The following RBM39 variants were observed in gnomAD, a reference collection of about 807,000 sequenced individuals.
RBM39 encodes RNA-binding protein 39.
A neutral mutation model predicts 79.6 loss-of-function variants in RBM39; 12 were observed. The ratio of observed to expected loss-of-function variants is 0.15; its 90% confidence interval spans 0.10 to 0.24. The LOEUF (loss-of-function observed/expected upper bound fraction) is 0.24. Among genes scored for constraint, RBM39 ranks in the 10% least tolerant of loss-of-function variants. The probability of loss-of-function intolerance (pLI) is 1.00; values close to 1 mark genes in which losing one functional copy is unlikely to be tolerated. For synonymous variants in RBM39, 185 were observed against 208.4 expected, an observed-to-expected ratio of 0.89 and a Z score of 0.97; for missense variants, 243 against 653.4, an observed-to-expected ratio of 0.37 and a Z score of 6.85.
At chr20:35,730,270 G>A (rs775320668) in intron 4 of RBM39, among the ~76,000 whole-genome samples, 3 of 152,186 alleles carry the variant, frequency 2.0e-5, no homozygotes, top group Non-Finnish European at 2.9e-5. Context: ...AACAGTTTTT[G>A]TGACTTTTTA....
Position 35,741,773 on chromosome 20 carries a change from G to C in RBM39, c.-14+168C>G, listed in dbSNP as rs959276658. The C allele has an allele frequency of 4.0e-4, 62 of 155,440 alleles. 1 individual carries two copies. Among genetic ancestry groups the C allele is most frequent in the Admixed American group, 6.6e-5 (1 of 15,260 alleles). 9.6% of individuals were successfully genotyped at this position (155,440 alleles called of 1,614,324 possible). Reference sequence around the variant, plus strand: ...GGGTCCCTACCGCCCCAAGAATCCAGACTATACCCGACTGGAAAATAAGGG... The same window carrying C: ...GGGTCCCTACCGCCCCAAGAATCCACACTATACCCGACTGGAAAATAAGGG... On this transcript the variant is annotated intron_variant, in intron 1 of 16. Transcript: ENST00000253363.
At chr20:35,710,118 GTTC>G (rs954968330) in intron 12 of RBM39, among the ~76,000 whole-genome samples, 7 of 152,286 alleles carry the variant, frequency 4.6e-5, no homozygotes, top group African/African-American at 1.7e-4. Flanking sequence ...CTCTCTTGAA[GTTC>G]TTTTTATAGA....
At chr20:35,709,444 T>TC (rs1442065527) in intron 12 of RBM39, 170 bp from the exon 13 acceptor site, 9 of 561,844 alleles carry the variant, frequency 1.6e-5, no homozygotes, top group Middle Eastern at 4.7e-4. Context: ...GGGCCTTTTT[T>TC]CCCCCTCTTA....
chr20:35,707,272 C>A, intron 13 of RBM39, 71 bp from the exon 14 acceptor site: 3 of 1,128,060 alleles, frequency 2.7e-6, no homozygotes, highest in Admixed American at 2.4e-5. Flanking sequence ...TACTTTAAAA[C>A]GAAACCAAAA....
rs1271274511 is a variant in RBM39 at position 35,703,209 on chromosome 20, TA to T, written c.*1271del. On this transcript the variant is annotated 3_prime_UTR_variant, in exon 17 of 17. Coordinates refer to ENST00000253363, the MANE Select transcript of RBM39 (RefSeq NM_184234.3). Reference sequence around the variant, plus strand: ...ACTAGTATGAAAGCTCAAAACCCCTTAATACAGTAATATATGCACCTTATTT... The same window carrying T: ...ACTAGTATGAAAGCTCAAAACCCCTTATACAGTAATATATGCACCTTATTT... 6.6e-6 allele frequency: 1 copy of T among 152,154 alleles called. No individual in the cohort carries two copies. The highest frequency in any genetic ancestry group is 2.1e-4 in the South Asian group (1 of 4,830). 9.4% of individuals were successfully genotyped at this position (152,154 alleles called of 1,614,324 possible). A position where few individuals can be genotyped will look rare whatever the true frequency, so the allele number is the denominator to read the frequency against.
intron 8 of RBM39, 113 bp downstream of exon 8, chr20:35,724,457 A>C (rs2038402552): frequency 1.9e-6 from 2 of 1,036,272 alleles, no homozygotes; most frequent in Non-Finnish European, 2.6e-6. Context: ...AGTCCTGAAA[A>C]CATCCGACTC....
chr20:35,733,815 C>CT (rs1035449181), intron 3 of RBM39, among the ~76,000 whole-genome samples: 30 of 152,122 alleles, frequency 2.0e-4, no homozygotes, highest in African/African-American at 6.3e-4. Flanking sequence ...TTTAAAATCT[C>CT]TAACTAAAAA....
intron 3 of RBM39, 145 bp from the exon 4 acceptor site, chr20:35,732,280 T>TAAAA (rs11479445): frequency 2.1e-6 from 1 of 470,308 alleles, no homozygotes; most frequent in Non-Finnish European, 3.7e-6. Flanking sequence ...TAATCATACT[T>TAAAA]AAAAAAAAAA....
chr20:35,738,263 G>C (rs907107171), intron 3 of RBM39, among the ~76,000 whole-genome samples: 1 of 151,698 alleles, frequency 6.6e-6, no homozygotes, highest in Admixed American at 6.6e-5. Context: ...GCAAGACTCC[G>C]ACTCACAAGA....
At chr20:35,723,867 C>G (rs2038312911) in intron 8 of RBM39, among the ~76,000 whole-genome samples, 1 of 152,066 alleles carries the variant, frequency 6.6e-6, no homozygotes, top group African/African-American at 2.4e-5. Flanking sequence ...ATGGCAAGAC[C>G]CTGTTTCTTA....
At chr20:35,741,275 C>T (rs1013659614) in intron 1 of RBM39, among the ~76,000 whole-genome samples, 22 of 151,716 alleles carry the variant, frequency 1.5e-4, no homozygotes, top group Non-Finnish European at 2.1e-4. Context: ...CTCAAGTGAT[C>T]CGCCTGCCTC....
intron 3 of RBM39, among the ~76,000 whole-genome samples, chr20:35,737,447 C>G (rs1213220991): frequency 6.6e-6 from 1 of 150,758 alleles, no homozygotes; most frequent in Non-Finnish European, 1.5e-5. Context: ...GTAATCCCAG[C>G]TACTCGGGAG....
At chr20:35,720,046 C>A in intron 9 of RBM39, 1 of 235,500 alleles carries the variant, frequency 4.2e-6, no homozygotes, top group Non-Finnish European at 9.2e-6. Context: ...GCCTCCCAAA[C>A]AAAGAGATGG....
intron 8 of RBM39, among the ~76,000 whole-genome samples, chr20:35,723,744 C>G (rs1456073293): frequency 6.6e-6 from 1 of 152,162 alleles, no homozygotes; most frequent in Non-Finnish European, 1.5e-5. Flanking sequence ...AGCCAAAATA[C>G]TAAAATATTA....
chr20:35,716,238 TA>T (rs1244843869), intron 10 of RBM39, among the ~76,000 whole-genome samples: 4 of 152,130 alleles, frequency 2.6e-5, no homozygotes, highest in Non-Finnish European at 5.9e-5. Context: ...CATGCTTGGC[TA>T]ATTTTTGTAT....
intron 6 of RBM39, among the ~76,000 whole-genome samples, chr20:35,727,317 T>C (rs1019110388): frequency 6.6e-6 from 1 of 150,772 alleles, no homozygotes; most frequent in South Asian, 2.1e-4. Context: ...GTCACTGCAC[T>C]ATAGCCTGGG....
intron 9 of RBM39, chr20:35,720,080 C>A: frequency 6.1e-6 from 1 of 163,906 alleles, no homozygotes; most frequent in South Asian, 1.2e-4. Flanking sequence ...AGCCACTGCA[C>A]CTGGCCAGTG....
At chr20:35,737,034 G>A (rs1189748212) in intron 3 of RBM39, among the ~76,000 whole-genome samples, 1 of 151,146 alleles carries the variant, frequency 6.6e-6, no homozygotes, top group Admixed American at 6.6e-5. Context: ...CAAGGCGGGC[G>A]GATCATGAGG....
chr20:35,737,083 CCT>C, intron 3 of RBM39, among the ~76,000 whole-genome samples: 1 of 151,330 alleles, frequency 6.6e-6, no homozygotes, highest in Admixed American at 6.6e-5. Flanking sequence ...ATCGTGAAAC[CCT>C]GTCTCTACTA....
Sources: gnomAD v4.1 joint callset for allele counts (sites outside exome capture counted in the v4.1 genomes callset) on GRCh38, gnomAD v4.1.1 for gene constraint, MANE v1.5 for transcripts, NCBI Gene and HGNC (gene_info 2026-07-23, HGNC 2026-07-21) for gene names.